LANCL2: variants seen among roughly 807,000 people sequenced by gnomAD.
LANCL2 encodes the protein LanC like glutathione S-transferase 2.
Under a neutral mutation model 56.9 loss-of-function variants are expected in LANCL2, and 33 were observed. The ratio of observed to expected loss-of-function variants is 0.58; its 90% CI spans 0.44 to 0.78. The LOEUF (loss-of-function observed/expected upper bound fraction) is 0.78. Among genes scored for constraint, LANCL2 ranks in the 30% least tolerant of loss-of-function variants. The pLI, the probability that LANCL2 is intolerant of heterozygous loss-of-function variation, is 0.00. For synonymous variants in LANCL2, 233 were observed against 228.2 expected (o/e 1.02, Z -0.19); for missense variants, 562 against 580.2 (o/e 0.97, Z 0.32).
chr7:55,428,361 C>T lies in LANCL2; in HGVS notation c.1186-14C>T, dbSNP rs752436423. 1.2e-6 allele frequency: 2 copies of T among 1,608,370 alleles called. No homozygotes were observed. Among genetic ancestry groups the T allele is most frequent in the East Asian group, 2.2e-5 (1 of 44,862 alleles). ...AGAAACTCCAGTCTTAAAAAGAAATCCCTTTCTTTTCAGTTTGCAGAGTGG... is the reference window on the plus strand; with the variant it reads ...AGAAACTCCAGTCTTAAAAAGAAATTCCTTTCTTTTCAGTTTGCAGAGTGG... On this transcript the variant is annotated splice_polypyrimidine_tract_variant and intron_variant, in intron 7 of 8. Transcript: ENST00000254770.
chr7:55,366,922 A>C (rs553592978), intron 1 of LANCL2, among the ~76,000 whole-genome samples: 29 of 152,302 alleles, frequency 1.9e-4, no homozygotes, highest in African/African-American at 6.0e-4. Flanking sequence ...TGGAAGATGG[A>C]ACTGCTTGAA....
chr7:55,429,049 G>A (rs1355105379), intron 8 of LANCL2, among the ~76,000 whole-genome samples: 1 of 152,158 alleles, frequency 6.6e-6, no homozygotes, highest in Non-Finnish European at 1.5e-5. Context: ...GTGGGTATGG[G>A]CGTGCTTTCT....
intron 1 of LANCL2, among the ~76,000 whole-genome samples, chr7:55,380,830 G>C (rs1790059151): frequency 1.3e-5 from 2 of 150,928 alleles, no homozygotes. Context: ...AGGTTCTATA[G>C]AGTATGTTAC....
intron 1 of LANCL2, among the ~76,000 whole-genome samples, chr7:55,383,711 C>T (rs1198954774): frequency 1.3e-5 from 2 of 152,210 alleles, no homozygotes; most frequent in Non-Finnish European, 2.9e-5. Flanking sequence ...GGGGCATGCA[C>T]CTGTAATCCC....
chr7:55,402,444 T>C (rs1790346389), intron 5 of LANCL2, among the ~76,000 whole-genome samples: 1 of 123,820 alleles, frequency 8.1e-6, no homozygotes, highest in African/African-American at 3.1e-5. Flanking sequence ...ACCACCTCCC[T>C]CCCGGACGGG....
intron 1 of LANCL2, among the ~76,000 whole-genome samples, chr7:55,370,639 C>G (rs1283634312): frequency 1.3e-5 from 2 of 152,160 alleles, no homozygotes; most frequent in East Asian, 3.9e-4. Context: ...GTTAATTCTG[C>G]CCATTCGCAT....
intron 5 of LANCL2, 29 bp from the exon 6 acceptor site, chr7:55,411,878 A>G (rs1583760600): frequency 6.3e-7 from 1 of 1,588,458 alleles, no homozygotes; most frequent in East Asian, 2.3e-5. Flanking sequence ...AGAGAAAATA[A>G]TTTGTGTTTC....
chr7:55,402,735 G>C lies in LANCL2; in HGVS notation c.825+1415G>C, dbSNP rs1313595128. 1.6e-4 allele frequency among the ~76,000 whole-genome samples: 20 copies of C among 124,840 alleles called. 3 individuals are homozygous for C. Among genetic ancestry groups the C allele is most frequent in the Non-Finnish European group, 3.2e-4 (18 of 56,212 alleles). The allele number at this position is 124,840 out of a possible 152,430, so 81.9% of individuals were successfully genotyped here. ...CTCCCTCCCAGACGGGGTGGCTGCCGGGCGGAGACGCTCCTCACTTCTCAG... is the reference window on the plus strand; with the variant it reads ...CTCCCTCCCAGACGGGGTGGCTGCCCGGCGGAGACGCTCCTCACTTCTCAG... On this transcript the variant is annotated intron_variant, in intron 5 of 8. Transcript: ENST00000254770.
intron 8 of LANCL2, among the ~76,000 whole-genome samples, chr7:55,428,829 TA>T (rs1790696925): frequency 6.6e-6 from 1 of 152,172 alleles, no homozygotes; most frequent in Non-Finnish European, 1.5e-5. Context: ...TATAAAGAAG[TA>T]TGAATAATTA....
chr7:55,379,232 C>T (rs1432306070), intron 1 of LANCL2, among the ~76,000 whole-genome samples: 2 of 152,186 alleles, frequency 1.3e-5, no homozygotes, highest in African/African-American at 4.8e-5. Flanking sequence ...ATTAGGTTAC[C>T]ATGATAGAGC....
intron 7 of LANCL2, among the ~76,000 whole-genome samples, chr7:55,427,865 T>C (rs1790682170): frequency 6.6e-6 from 1 of 152,130 alleles, no homozygotes; most frequent in African/African-American, 2.4e-5. Context: ...CAGGGAGGGC[T>C]GAGGGCCGGG....
rs1046959129 is a variant in LANCL2 at position 55,375,713 on chromosome 7, A to G, written c.204+9484A>G. On this transcript the variant is annotated intron_variant, in intron 1 of 8. Coordinates refer to ENST00000254770, the MANE Select transcript of LANCL2 (RefSeq NM_018697.4). ...TGCTGGCTCCTCTGCTTAGAATTTC[A>G]TAAGGCCAAAGTCAAAGCATCTTCA... is the stretch of plus-strand genomic sequence containing the variant. Among the ~76,000 whole-genome samples, 8 of 152,330 alleles carry G rather than the reference A, an allele frequency of 5.3e-5. No individual in the cohort carries two copies. The South Asian group carries it at 1.2e-3, about 24-fold the overall frequency.
intron 1 of LANCL2, among the ~76,000 whole-genome samples, chr7:55,382,307 AAG>A (rs1790078008): frequency 2.0e-5 from 3 of 152,336 alleles, no homozygotes; most frequent in Non-Finnish European, 2.9e-5. Flanking sequence ...CCATTAAAAA[AAG>A]AGTCTCATGG....
At chr7:55,368,859 A>C (rs1183545534) in intron 1 of LANCL2, among the ~76,000 whole-genome samples, 11 of 152,248 alleles carry the variant, frequency 7.2e-5, no homozygotes. Context: ...TATGAAGAAA[A>C]GAGAAGCAGG....
intron 1 of LANCL2, among the ~76,000 whole-genome samples, chr7:55,372,833 T>G (rs1789958741): frequency 6.6e-6 from 1 of 152,198 alleles, no homozygotes. Flanking sequence ...GAAAATATGG[T>G]TAGATGTACA....
chr7:55,391,641 A>C (rs1562861046), intron 1 of LANCL2, 152 bp from the exon 2 acceptor site: 1 of 497,532 alleles, frequency 2.0e-6, no homozygotes, highest in East Asian at 3.3e-5. Context: ...ACCTTATAAA[A>C]ACCAAGATAG....
intron 2 of LANCL2, among the ~76,000 whole-genome samples, chr7:55,396,300 G>A (rs538098538): frequency 2.0e-5 from 3 of 152,242 alleles, no homozygotes; most frequent in East Asian, 1.9e-4. Context: ...TCATAGGTTC[G>A]GGGGAAGGAA....
chr7:55,407,490 A>G (rs984006010), intron 5 of LANCL2, among the ~76,000 whole-genome samples: 1 of 152,240 alleles, frequency 6.6e-6, no homozygotes, highest in Admixed American at 6.5e-5. Flanking sequence ...TTATGTGTCA[A>G]CTTGACTGAG....
rs147906326 is a variant in LANCL2, at chr7:55,412,005, A to G, written c.924A>G (p.Ser308=). 1,676 of 1,614,138 alleles carry G rather than the reference A, an allele frequency of 1.0e-3. 33 individuals carry two copies. The highest frequency in any genetic ancestry group is 1.8e-4 in the Non-Finnish European group (209 of 1,180,052). Residue 308 remains serine (S), a synonymous_variant, in exon 6 of 9, where the codon TCA becomes TCG. Transcript: ENST00000254770. ...AATTCCGATCTGGGAATTACCCATC[A>G]TCATTAAGCAATGAAACAGACCGGC... ...HKKFRSGNYP[S]SLSNETDRLV...
Sources: gnomAD v4.1 joint callset for allele counts (sites outside exome capture counted in the v4.1 genomes callset) on GRCh38, gnomAD v4.1.1 for gene constraint, MANE v1.5 for transcripts, NCBI Gene and HGNC (gene_info 2026-07-23, HGNC 2026-07-21) for gene names.